Variants in TGFA observed in about 807,000 individuals in gnomAD.
TGFA encodes protransforming growth factor alpha.
In TGFA, 12 loss-of-function variants were observed where a neutral mutation model predicts 21.7. The ratio of observed to expected loss-of-function variants is 0.55; its 90% confidence interval spans 0.35 to 0.90. TGFA has a LOEUF of 0.90. Among genes scored for constraint, TGFA ranks in the 40% least tolerant of loss-of-function variants. The pLI, the probability that TGFA is intolerant of heterozygous loss-of-function variation, is 0.01. For missense variants in TGFA, 178 were observed against 210.8 expected (o/e 0.84, Z 0.96); for synonymous variants, 79 against 88.1 (o/e 0.90, Z 0.58).
intron 3 of TGFA, among the ~76,000 whole-genome samples, chr2:70,460,724 A>C (rs1255267002): frequency 6.6e-6 from 1 of 151,844 alleles, no homozygotes; most frequent in Non-Finnish European, 1.5e-5. Context: ...CTACTTACAT[A>C]CTCCTTCCAG....
At chr2:70,537,386 C>T (rs529213693) in intron 1 of TGFA, among the ~76,000 whole-genome samples, 1 of 152,194 alleles carries the variant, frequency 6.6e-6, no homozygotes, top group Non-Finnish European at 1.5e-5. Flanking sequence ...CACTTTAAAT[C>T]AAAAGCTAGA....
rs138029239 is a variant in TGFA at position 70,451,565 on chromosome 2, C to T, written c.476-699G>A. ...GACCCATCCCCAGGCTTAGAGCTAACTTCTTAAATGTGGGTAGAGAAGAAG... is the reference window on the plus strand; with the variant it reads ...GACCCATCCCCAGGCTTAGAGCTAATTTCTTAAATGTGGGTAGAGAAGAAG... On this transcript the variant is annotated intron_variant, in intron 5 of 5. Transcript: ENST00000295400. Among the ~76,000 whole-genome samples the T allele has an allele frequency of 2.5e-4, 38 of 152,298 alleles. 1 individual carries two copies. Among genetic ancestry groups the T allele is most frequent in the African/African-American group, 9.1e-4 (38 of 41,562 alleles).
chr2:70,543,551 A>G (rs1379532508), intron 1 of TGFA, among the ~76,000 whole-genome samples: 5 of 151,862 alleles, frequency 3.3e-5, no homozygotes, highest in African/African-American at 1.2e-4. Context: ...AAAAAAAAAG[A>G]CTACATTAAC....
At chr2:70,551,567 A>G (rs904240056) in intron 1 of TGFA, among the ~76,000 whole-genome samples, 10 of 152,228 alleles carry the variant, frequency 6.6e-5, no homozygotes, top group Admixed American at 2.0e-4. Context: ...AGGGGAAAGC[A>G]GCTTTGAAGG....
chr2:70,473,384 G>T (rs189114375), intron 2 of TGFA, among the ~76,000 whole-genome samples: 5 of 151,902 alleles, frequency 3.3e-5, no homozygotes, highest in South Asian at 2.1e-4. Flanking sequence ...CTGGGCAGGT[G>T]GGGGGAGGTG....
intron 2 of TGFA, among the ~76,000 whole-genome samples, chr2:70,500,245 A>C (rs528321311): frequency 6.6e-6 from 1 of 152,194 alleles, no homozygotes; most frequent in Non-Finnish European, 1.5e-5. Flanking sequence ...TACCACATGC[A>C]AGTGGCCTGG....
chr2:70,458,641 C>T (rs1670315289), intron 3 of TGFA, among the ~76,000 whole-genome samples: 1 of 152,194 alleles, frequency 6.6e-6, no homozygotes. Context: ...AATATCATTC[C>T]TCACTCTCCT....
intron 2 of TGFA, among the ~76,000 whole-genome samples, chr2:70,506,786 A>T (rs1671940143): frequency 6.6e-6 from 1 of 152,214 alleles, no homozygotes; most frequent in Non-Finnish European, 1.5e-5. Flanking sequence ...CCAAGGTCTC[A>T]CAGCTAGTAG....
intron 2 of TGFA, among the ~76,000 whole-genome samples, chr2:70,486,413 A>T (rs1244655953): frequency 6.6e-6 from 1 of 152,180 alleles, no homozygotes; most frequent in African/African-American, 2.4e-5. Flanking sequence ...AAATTGCAAC[A>T]AGATCCTTAT....
At chr2:70,503,460 A>T (rs1671801091) in intron 2 of TGFA, among the ~76,000 whole-genome samples, 1 of 151,482 alleles carries the variant, frequency 6.6e-6, no homozygotes, top group Non-Finnish European at 1.5e-5. Context: ...GCATTAGGAG[A>T]TATACCTAAT....
chr2:70,454,829 C>T (rs1243836510), intron 4 of TGFA, among the ~76,000 whole-genome samples: 1 of 152,208 alleles, frequency 6.6e-6, no homozygotes, highest in Non-Finnish European at 1.5e-5. Flanking sequence ...GCTGTCTAGG[C>T]ACCTAGATCA....
intron 1 of TGFA, among the ~76,000 whole-genome samples, chr2:70,535,263 G>A (rs1457233362): frequency 6.6e-6 from 1 of 152,116 alleles, no homozygotes; most frequent in Non-Finnish European, 1.5e-5. Context: ...AAAACTGTGT[G>A]TCTGCTCCTG....
At position 70,504,479 on chromosome 2, in the gene TGFA, T is replaced by TACACAC. The variant is rs1361394841; in HGVS notation, c.94+10379_94+10380insGTGTGT. Among the ~76,000 whole-genome samples, 685 of 87,174 alleles carry TACACAC rather than the reference T, an allele frequency of 7.9e-3. 6 individuals are homozygous for TACACAC. The highest frequency in any genetic ancestry group is 0.016 in the Middle Eastern group (3 of 188). 57.2% of individuals were successfully genotyped at this position (87,174 alleles called of 152,430 possible). Reference sequence around the variant, plus strand: ...ATATATATATACACACATACATACATACATACACACACACACACACACACA... The same window carrying TACACAC: ...ATATATATATACACACATACATACATACACACACATACACACACACACACACACACA... On this transcript the variant is annotated intron_variant, in intron 2 of 5. Transcript: ENST00000295400.
chr2:70,532,144 AT>A (rs1574139112), intron 1 of TGFA, among the ~76,000 whole-genome samples: 1 of 152,160 alleles, frequency 6.6e-6, no homozygotes, highest in Non-Finnish European at 1.5e-5. Flanking sequence ...TTTTCAGAAA[AT>A]TTCTGCCTGT....
intron 2 of TGFA, 47 bp from the exon 3 acceptor site, chr2:70,465,783 T>C (rs893376432): frequency 1.9e-6 from 3 of 1,608,558 alleles, no homozygotes; most frequent in Non-Finnish European, 2.5e-6. Context: ...ACAGCTGACA[T>C]GCAAACCCCA....
intron 2 of TGFA, among the ~76,000 whole-genome samples, chr2:70,501,158 T>A (rs1357409474): frequency 1.3e-5 from 2 of 151,964 alleles, no homozygotes; most frequent in East Asian, 3.9e-4. Context: ...GATTTAGCCA[T>A]TCCCTAATGT....
chr2:70,481,383 C>G (rs1244978030), intron 2 of TGFA, among the ~76,000 whole-genome samples: 2 of 152,184 alleles, frequency 1.3e-5, no homozygotes, highest in Non-Finnish European at 2.9e-5. Context: ...GAGGTTCTTC[C>G]TTAAACACAT....
intron 1 of TGFA, chr2:70,553,522 G>A: frequency 7.3e-7 from 1 of 1,373,200 alleles, no homozygotes; most frequent in Middle Eastern, 2.3e-4. Context: ...CACTTTCCCG[G>A]GGAAGCCTCG....
At position 70,456,228 on chromosome 2, in the gene TGFA, C is replaced by T. The variant is rs185382727; in HGVS notation, c.365+111G>A. ...TTTAGCTTTCCTGACAGCACTCAGACATCCCAGAAATAAGCTGTGCTGAGG... is the reference window on the plus strand; with the variant it reads ...TTTAGCTTTCCTGACAGCACTCAGATATCCCAGAAATAAGCTGTGCTGAGG... On this transcript the variant is annotated intron_variant, in intron 4 of 5. Coordinates refer to ENST00000295400, the MANE Select transcript of TGFA (RefSeq NM_003236.4). 3.1e-5 allele frequency: 43 copies of T among 1,367,608 alleles called. No individual in the cohort carries two copies. In the East Asian group the frequency reaches 9.7e-4, roughly 31 times the overall value. The allele number at this position is 1,367,608 out of a possible 1,614,324, so 84.7% of individuals were successfully genotyped here.
Sources: allele counts gnomAD v4.1 joint callset (sites outside exome capture counted in the v4.1 genomes callset), GRCh38; gene constraint gnomAD v4.1.1; transcripts MANE v1.5; gene names NCBI Gene and HGNC (gene_info 2026-07-23, HGNC 2026-07-21).